Variants in DMD observed in about 807,000 individuals in gnomAD.
DMD encodes the protein mutant dystrophin.
Under a neutral mutation model 330.1 loss-of-function variants are expected in DMD, and 63 were observed. The observed-to-expected ratio is 0.19, with a 90% confidence interval of 0.16 to 0.24. DMD has a LOEUF of 0.24. Ranked by LOEUF, DMD falls within the 10% of genes least tolerant of loss-of-function variation. The pLI is 1.00. For missense variants in DMD, 3,344 were observed against 2,684.1 expected (o/e 1.25, Z -5.43); for synonymous variants, 1,223 against 959.8 (o/e 1.27, Z -5.07).
intron 45 of DMD, among the ~76,000 whole-genome samples, chrX:31,942,179 C>T (rs2095015083): frequency 8.9e-6 from 1 of 111,811 alleles, no homozygotes; most frequent in African/African-American, 3.3e-5. Flanking sequence ...TCTCTGAAGC[C>T]TCACCATCAT....
intron 47 of DMD, 150 bp from the exon 48 acceptor site, chrX:31,875,523 C>A: frequency 4.4e-6 from 2 of 450,054 alleles, no homozygotes; most frequent in Non-Finnish European, 7.4e-6. Context: ...TGATTATTTA[C>A]ATATATTACA....
At chrX:32,736,086 C>T (rs7050719) in intron 7 of DMD, among the ~76,000 whole-genome samples, 2,108 of 111,600 alleles carry the variant, frequency 0.019, 54 homozygotes, top group African/African-American at 0.054. Context: ...ACAAACAACC[C>T]CATCAAAAAG....
chrX:32,622,927 A>G (rs5927088), intron 11 of DMD, among the ~76,000 whole-genome samples: 7,927 of 111,502 alleles, frequency 0.071, 250 homozygotes, highest in African/African-American at 0.11. Flanking sequence ...GAATGACAAC[A>G]TTCCAGGTAA....
At chrX:31,126,766 C>A in intron 77 of DMD, 93 bp from the exon 78 acceptor site, 2 of 521,709 alleles carry the variant, frequency 3.8e-6, no homozygotes, top group Non-Finnish European at 3.2e-6. Flanking sequence ...GCTTCTTTTA[C>A]CAAACAAATG....
intron 21 of DMD, among the ~76,000 whole-genome samples, chrX:32,473,360 G>A (rs1330638446): frequency 4.5e-5 from 5 of 111,410 alleles, no homozygotes; most frequent in Non-Finnish European, 7.6e-5. Flanking sequence ...CAGTAAAACG[G>A]TCTAATATAT....
intron 2 of DMD, among the ~76,000 whole-genome samples, chrX:32,982,406 T>TA (rs1389400222): frequency 8.9e-6 from 1 of 111,760 alleles, no homozygotes; most frequent in Non-Finnish European, 1.9e-5. Flanking sequence ...TATGGATTTT[T>TA]AAAAAATATG....
intron 1 of DMD, among the ~76,000 whole-genome samples, chrX:33,050,670 C>CACAA (rs1180339586): frequency 9.0e-6 from 1 of 111,405 alleles, no homozygotes; most frequent in Non-Finnish European, 1.9e-5. Context: ...ATCAGTCCAT[C>CACAA]ACAAGGCACT....
intron 27 of DMD, among the ~76,000 whole-genome samples, chrX:32,442,728 C>CA (rs979687916): frequency 4.6e-5 from 5 of 108,283 alleles, no homozygotes; most frequent in South Asian, 3.9e-4. Context: ...TTGTAGTAAT[C>CA]AAAAAAAAGG....
chrX:33,294,257 C>T (rs752686035), intron 1 of DMD, among the ~76,000 whole-genome samples: 16 of 111,091 alleles, frequency 1.4e-4, no homozygotes, highest in Non-Finnish European at 3.0e-4. Flanking sequence ...AGAGACTTTC[C>T]ATGGTTATTT....
intron 9 of DMD, among the ~76,000 whole-genome samples, chrX:32,677,702 A>G (rs150322893): frequency 0.025 from 2,826 of 111,743 alleles, 100 homozygotes; most frequent in African/African-American, 0.085. Flanking sequence ...ATTTATACTT[A>G]GCAGCTCAAT....
rs1322558985 is a variant in DMD at position 31,773,940 on chromosome X, T to G, written c.7542+20A>C. ...TTTTAAAGAAAAACTTCTGCCAACT[T>G]TTATCATTTTTTCTCATACCTTCTG... is the stretch of plus-strand genomic sequence containing the variant. On this transcript the variant is annotated intron_variant, in intron 51 of 78. Transcript: ENST00000357033. The G allele has an allele frequency of 3.4e-6, 4 of 1,184,297 alleles. No individual in the cohort carries two copies. The highest frequency in any genetic ancestry group is 2.3e-4 in the Middle Eastern group (1 of 4,310).
chrX:33,173,659 G>A (rs1162866393), intron 1 of DMD, among the ~76,000 whole-genome samples: 1 of 111,091 alleles, frequency 9.0e-6, no homozygotes, highest in Non-Finnish European at 1.9e-5. Context: ...TCGATAGAAT[G>A]ATAACATTAT....
chrX:32,487,621 T>C (rs2042610298), intron 20 of DMD, among the ~76,000 whole-genome samples: 1 of 111,498 alleles, frequency 9.0e-6, no homozygotes, highest in African/African-American at 3.3e-5. Context: ...AATTCTGTCA[T>C]GGTTGCAAGA....
In DMD at chrX:32,279,966, CATATATATATGTACCCCACAT is replaced by C. The variant is rs1475682690; in HGVS notation, c.6290+7542_6290+7562del. On this transcript the variant is annotated intron_variant, in intron 43 of 78. Transcript: ENST00000357033. ...TATATACACATATATATGTGTAACC[CATATATATATGTACCCCACAT>C]ATATATATATGTACCCCACATATAT... 4.4e-4 allele frequency among the ~76,000 whole-genome samples: 28 copies of C among 64,328 alleles called. No individual in the cohort carries two copies. In the South Asian group the frequency reaches 4.8e-3, roughly 11 times the overall value. 55.9% of individuals were successfully genotyped at this position (64,328 alleles called of 115,157 possible). A position where few individuals can be genotyped will look rare whatever the true frequency, so the allele number is the denominator to read the frequency against.
intron 60 of DMD, among the ~76,000 whole-genome samples, chrX:31,428,624 C>T (rs2063843795): frequency 8.9e-6 from 1 of 111,951 alleles, no homozygotes; most frequent in South Asian, 3.7e-4. Flanking sequence ...CCAGGTTCCT[C>T]CCATCCTTCC....
chrX:31,378,699 A>G (rs1314140967), intron 60 of DMD, among the ~76,000 whole-genome samples: 1 of 106,860 alleles, frequency 9.4e-6, no homozygotes, highest in Non-Finnish European at 1.9e-5. Context: ...TTTCTGGGGG[A>G]CAAGAACCCC....
chrX:31,516,194 G>C (rs1416031741), intron 55 of DMD, among the ~76,000 whole-genome samples: 1 of 104,422 alleles, frequency 9.6e-6, no homozygotes, highest in African/African-American at 3.5e-5. Context: ...TGTATGTCTG[G>C]TATTTGTAAT....
At chrX:32,358,194 T>A (rs1358761808) in intron 37 of DMD, among the ~76,000 whole-genome samples, 1 of 111,413 alleles carries the variant, frequency 9.0e-6, no homozygotes, top group Non-Finnish European at 1.9e-5. Flanking sequence ...CCCAAATTGC[T>A]GACTCCCCTT....
intron 60 of DMD, among the ~76,000 whole-genome samples, chrX:31,367,135 T>C (rs2059303773): frequency 1.8e-5 from 2 of 111,433 alleles, no homozygotes; most frequent in South Asian, 7.5e-4. Flanking sequence ...TAGAACGGTA[T>C]TCCATTCTGG....
Sources: gnomAD v4.1 joint callset for allele counts (sites outside exome capture counted in the v4.1 genomes callset) on GRCh38, gnomAD v4.1.1 for gene constraint, MANE v1.5 for transcripts, NCBI Gene and HGNC (gene_info 2026-07-23, HGNC 2026-07-21) for gene names.